Variants in KIRREL3 observed in about 807,000 individuals in gnomAD.
KIRREL3 encodes the protein kin of IRRE-like protein 3.
A neutral mutation model predicts 89.7 loss-of-function variants in KIRREL3; 36 were observed. The ratio of observed to expected loss-of-function variants is 0.40; its 90% CI spans 0.31 to 0.53. The LOEUF is 0.53. KIRREL3 is among the 20% of genes least tolerant of loss of function. The probability of loss-of-function intolerance (pLI) is 0.49; values close to 1 mark genes in which losing one functional copy is unlikely to be tolerated. For missense variants in KIRREL3, 864 were observed against 1,056.6 expected (o/e 0.82, Z 2.53); for synonymous variants, 445 against 441.4 (o/e 1.01, Z -0.10).
At chr11:126,582,035 C>T (rs1197410926) in intron 1 of KIRREL3, among the ~76,000 whole-genome samples, 2 of 152,176 alleles carry the variant, frequency 1.3e-5, no homozygotes, top group South Asian at 2.1e-4. Flanking sequence ...CAGGGTCACA[C>T]GGCTATGTGA....
rs1016054473 is a variant in KIRREL3, at chr11:126,587,905, A to G, written c.56-24993T>C. 6.6e-6 allele frequency among the ~76,000 whole-genome samples: 1 copy of G among 152,026 alleles called. No individual in the cohort carries two copies. Among genetic ancestry groups the G allele is most frequent in the Non-Finnish European group, 1.5e-5 (1 of 68,016 alleles). The stretch of plus-strand genomic sequence containing the variant: ...GCAAGGAATGAATGACTCTAAGGAG[A>G]GCTGGGCCCTGGTACAGGGAGGGGC... On this transcript the variant is annotated intron_variant, in intron 1 of 16. Coordinates refer to ENST00000525144, the MANE Select transcript of KIRREL3 (RefSeq NM_032531.4). The surrounding 1 kb of genome is among the most constrained non-coding windows in gnomAD (Gnocchi z 5.2).
chr11:126,999,412 C>A lies in KIRREL3; in HGVS notation c.55+1043G>T, dbSNP rs1480410447. 2.0e-5 allele frequency among the ~76,000 whole-genome samples: 3 copies of A among 152,236 alleles called. No individual in the cohort carries two copies. Among genetic ancestry groups the A allele is most frequent in the African/African-American group, 7.2e-5 (3 of 41,470 alleles). On this transcript the variant is annotated intron_variant, in intron 1 of 16. Coordinates refer to ENST00000525144, the MANE Select transcript of KIRREL3 (RefSeq NM_032531.4). The surrounding 1 kb of genome is among the most constrained non-coding windows in gnomAD (Gnocchi z 5.7). ...TGCTGTTTGCTTGCAAAGCCAGCCACCCATGGCAGTGCTTTGCTTTCTCGA... is the reference window on the plus strand; with the variant it reads ...TGCTGTTTGCTTGCAAAGCCAGCCAACCATGGCAGTGCTTTGCTTTCTCGA...
rs939064691 is a variant in KIRREL3 at position 126,462,283 on chromosome 11, G to A, written c.742+874C>T. Among the ~76,000 whole-genome samples, 2 of 152,152 alleles carry A rather than the reference G, an allele frequency of 1.3e-5. No individual in the cohort carries two copies. Among genetic ancestry groups the A allele is most frequent in the Non-Finnish European group, 2.9e-5 (2 of 68,024 alleles). ...GACTCTGGAAATCTATGCTACCTAA[G>A]TGGTCTTGGGCAAGTTAATCACCCT... On this transcript the variant is annotated intron_variant, in intron 6 of 16. Transcript: ENST00000525144. The surrounding 1 kb of genome is among the most constrained non-coding windows in gnomAD (Gnocchi z 4.8).
intron 1 of KIRREL3, among the ~76,000 whole-genome samples, chr11:126,567,275 G>C (rs1349762983): frequency 6.6e-6 from 1 of 152,172 alleles, no homozygotes; most frequent in Non-Finnish European, 1.5e-5. Flanking sequence ...TTATGAAGAG[G>C]AAAATCTAGT....
rs1322567229 is a variant in KIRREL3 at position 126,969,526 on chromosome 11, G to A, written c.55+30929C>T. Among the ~76,000 whole-genome samples the A allele has an allele frequency of 1.3e-5, 2 of 152,180 alleles. No individual in the cohort carries two copies. Among genetic ancestry groups the A allele is most frequent in the Non-Finnish European group, 2.9e-5 (2 of 68,034 alleles). On this transcript the variant is annotated intron_variant, in intron 1 of 16. Coordinates refer to ENST00000525144, the MANE Select transcript of KIRREL3 (RefSeq NM_032531.4). This position sits in a 1 kb window ranked among gnomAD's most constrained non-coding sequence, Gnocchi z 4.9. Reference sequence around the variant, plus strand: ...AGAACGTCTCCTGAGGGCGGAGGCTGTGGGTAGCAATGGAGCATGGTGTGT... The same window carrying A: ...AGAACGTCTCCTGAGGGCGGAGGCTATGGGTAGCAATGGAGCATGGTGTGT...
At position 126,694,359 on chromosome 11, in the gene KIRREL3, C is replaced by T. The variant is rs1020118813; in HGVS notation, c.56-131447G>A. 1.3e-5 allele frequency among the ~76,000 whole-genome samples: 2 copies of T among 152,114 alleles called. No homozygotes were observed. Among genetic ancestry groups the T allele is most frequent in the Admixed American group, 6.5e-5 (1 of 15,278 alleles). ...CCATTGTATCCTAGTGAGCGTGCAC[C>T]GGAGTTGTGTCTCCCCTGGCTGTGG... On this transcript the variant is annotated intron_variant, in intron 1 of 16. Transcript: ENST00000525144. The surrounding 1 kb of genome is among the most constrained non-coding windows in gnomAD (Gnocchi z 4.4).
rs1357273635 is a variant in KIRREL3 at position 126,783,933 on chromosome 11, A to G, written c.55+216522T>C. On this transcript the variant is annotated intron_variant, in intron 1 of 16. Transcript: ENST00000525144. The surrounding 1 kb of genome is among the most constrained non-coding windows in gnomAD (Gnocchi z 4.3). ...CATGTTGATAGCACACACCCTTGAT[A>G]GGATACGATGGAAACAGCACTTGTC... Among the ~76,000 whole-genome samples the G allele has an allele frequency of 6.6e-6, 1 of 152,244 alleles. No homozygotes were observed. The highest frequency in any genetic ancestry group is 1.5e-5 in the Non-Finnish European group (1 of 68,050).
intron 1 of KIRREL3, among the ~76,000 whole-genome samples, chr11:126,665,452 C>A (rs1945616098): frequency 6.6e-6 from 1 of 152,206 alleles, no homozygotes; most frequent in Non-Finnish European, 1.5e-5. Flanking sequence ...TTGAAATCCT[C>A]ACCCCCGAGG....
chr11:126,431,770 A>G lies in KIRREL3; in HGVS notation c.1589-244T>C, dbSNP rs1955142064. ...GAGGAGAGGGCAGGGGAACTGAGGTAAAGGGCAGAGGAAGGAGAGCGAGGC... is the reference window on the plus strand; with the variant it reads ...GAGGAGAGGGCAGGGGAACTGAGGTGAAGGGCAGAGGAAGGAGAGCGAGGC... On this transcript the variant is annotated intron_variant, in intron 13 of 16. Transcript: ENST00000525144. This position sits in a 1 kb window ranked among gnomAD's most constrained non-coding sequence, Gnocchi z 7.1. Among the ~76,000 whole-genome samples, 1 of 152,172 alleles carries G rather than the reference A, an allele frequency of 6.6e-6. No individual in the cohort carries two copies. The highest frequency in any genetic ancestry group is 2.1e-4 in the South Asian group (1 of 4,824).
At chr11:126,895,625 G>A (rs1231068096) in intron 1 of KIRREL3, among the ~76,000 whole-genome samples, 1 of 152,108 alleles carries the variant, frequency 6.6e-6, no homozygotes, top group Non-Finnish European at 1.5e-5. Flanking sequence ...ACCTGAGAGG[G>A]AGACATTAGT....
chr11:126,516,358 A>G lies in KIRREL3; in HGVS notation c.433+4957T>C, dbSNP rs1958409155. ...CCTCTTAATAATTAATCTGATGCCA[A>G]CATCCCCTCCTCCCACTTCTGATCC... is the stretch of plus-strand genomic sequence containing the variant. On this transcript the variant is annotated intron_variant, in intron 4 of 16. Transcript: ENST00000525144. This position sits in a 1 kb window ranked among gnomAD's most constrained non-coding sequence, Gnocchi z 4.9. Among the ~76,000 whole-genome samples, 4 of 152,252 alleles carry G rather than the reference A, an allele frequency of 2.6e-5. No individual in the cohort carries two copies. The South Asian group carries it at 8.3e-4, about 32-fold the overall frequency.
intron 1 of KIRREL3, among the ~76,000 whole-genome samples, chr11:126,927,487 C>G (rs1467284604): frequency 6.6e-6 from 1 of 152,206 alleles, no homozygotes; most frequent in Non-Finnish European, 1.5e-5. Context: ...TTCTTTCTCT[C>G]TTTATTATAA....
chr11:126,507,542 T>G (rs1378587169), intron 4 of KIRREL3, among the ~76,000 whole-genome samples: 1 of 152,182 alleles, frequency 6.6e-6, no homozygotes, highest in Non-Finnish European at 1.5e-5. Context: ...TTCGTCTAAC[T>G]CCCTCCGCTA....
chr11:126,739,949 A>G lies in KIRREL3; in HGVS notation c.56-177037T>C, dbSNP rs982106139. Among the ~76,000 whole-genome samples, 9 of 152,136 alleles carry G rather than the reference A, an allele frequency of 5.9e-5. No homozygotes were observed. The highest frequency in any genetic ancestry group is 1.3e-4 in the Non-Finnish European group (9 of 68,034). On this transcript the variant is annotated intron_variant, in intron 1 of 16. Coordinates refer to ENST00000525144, the MANE Select transcript of KIRREL3 (RefSeq NM_032531.4). This position sits in a 1 kb window ranked among gnomAD's most constrained non-coding sequence, Gnocchi z 5.5. ...GAAATATTTCATTGTTTCAGCAGAG[A>G]TGAGGAAATCTAATCATCCATACAG... is the stretch of plus-strand genomic sequence containing the variant.
intron 1 of KIRREL3, among the ~76,000 whole-genome samples, chr11:126,889,398 T>A (rs2134759210): frequency 6.6e-6 from 1 of 152,374 alleles, no homozygotes; most frequent in Admixed American, 6.5e-5. Context: ...GCGTGATCAG[T>A]AGTCCATTCC....
Position 126,946,201 on chromosome 11 carries a change from T to G in KIRREL3, c.55+54254A>C, listed in dbSNP as rs1368712608. Among the ~76,000 whole-genome samples the G allele has an allele frequency of 6.7e-6, 1 of 149,578 alleles. No individual in the cohort carries two copies. The highest frequency in any genetic ancestry group is 2.4e-5 in the African/African-American group (1 of 41,346). On this transcript the variant is annotated intron_variant, in intron 1 of 16. Transcript: ENST00000525144. This position sits in a 1 kb window ranked among gnomAD's most constrained non-coding sequence, Gnocchi z 4.1. ...TTAGATGCCAGAATTCAAGTTTCAG[T>G]TTTTCCCCTTAAAATGACCCTAAAT...
chr11:126,845,211 T>C (rs1354899219), intron 1 of KIRREL3, among the ~76,000 whole-genome samples: 1 of 152,168 alleles, frequency 6.6e-6, no homozygotes, highest in Non-Finnish European at 1.5e-5. Context: ...CTTTCTCTTA[T>C]GTTGCAGCTT....
chr11:126,841,788 G>A (rs918067105), intron 1 of KIRREL3, among the ~76,000 whole-genome samples: 4 of 152,226 alleles, frequency 2.6e-5, no homozygotes, highest in African/African-American at 9.6e-5. Context: ...GTTGTTGGCA[G>A]TGGTCTTCTG....
rs770974074 is a variant in KIRREL3 at position 126,811,655 on chromosome 11, C to T, written c.55+188800G>A. ...AGGCTGGTGTGGAATGGCATGATCT[C>T]AGCTCATTGCAACCTCTGCCTCCTA... On this transcript the variant is annotated intron_variant, in intron 1 of 16. Coordinates refer to ENST00000525144, the MANE Select transcript of KIRREL3 (RefSeq NM_032531.4). The surrounding 1 kb of genome is among the most constrained non-coding windows in gnomAD (Gnocchi z 4.3). Among the ~76,000 whole-genome samples, 1 of 152,144 alleles carries T rather than the reference C, an allele frequency of 6.6e-6. No individual in the cohort carries two copies. Among genetic ancestry groups the T allele is most frequent in the Non-Finnish European group, 1.5e-5 (1 of 68,030 alleles).
Sources: allele counts gnomAD v4.1 joint callset (sites outside exome capture counted in the v4.1 genomes callset), GRCh38; gene constraint gnomAD v4.1.1; non-coding constraint Gnocchi (gnomAD v3.1); transcripts MANE v1.5; gene names NCBI Gene and HGNC (gene_info 2026-07-23, HGNC 2026-07-21).